NFAT5: variants seen among roughly 807,000 people sequenced by gnomAD.
NFAT5 encodes nuclear factor of activated T-cells 5.
Under a neutral mutation model 166.5 loss-of-function variants are expected in NFAT5, and 31 were observed. The ratio of observed to expected loss-of-function variants is 0.19; its 90% CI spans 0.14 to 0.25. NFAT5 has a LOEUF of 0.25. Ranked by LOEUF, NFAT5 falls within the 10% of genes least tolerant of loss-of-function variation. NFAT5 has a pLI of 1.00. For missense variants in NFAT5, 1,449 were observed against 1,821.8 expected (o/e 0.80, Z 3.72); for synonymous variants, 612 against 639.7 (o/e 0.96, Z 0.65).
intron 10 of NFAT5, among the ~76,000 whole-genome samples, chr16:69,679,493 T>A (rs2036967444): frequency 6.6e-6 from 1 of 151,822 alleles, no homozygotes. Context: ...TGGGCACCTG[T>A]TTACCCAGCT....
chr16:69,648,327 T>G (rs1246697723), intron 4 of NFAT5: 9 of 984,032 alleles, frequency 9.1e-6, no homozygotes, highest in Non-Finnish European at 1.1e-5. Context: ...AGACTTAATT[T>G]TTTTCTCTTT....
chr16:69,648,407 C>A, intron 4 of NFAT5: 1 of 981,564 alleles, frequency 1.0e-6, no homozygotes, highest in Non-Finnish European at 1.2e-6. Flanking sequence ...GTATCATAAG[C>A]TTTTTTCCTT....
chr16:69,699,026 A>C lies in NFAT5; in HGVS notation c.*2675A>C, dbSNP rs2151731755. On this transcript the variant is annotated 3_prime_UTR_variant, in exon 15 of 15. Coordinates refer to ENST00000349945, the MANE Select transcript of NFAT5 (RefSeq NM_138713.4). ...TTCAGTTTGAAAATGTAAAATTCTA[A>C]CCCTAAAGTAGGGTTGGTTGAAATT... 1 of 152,674 alleles carries C rather than the reference A, an allele frequency of 6.5e-6. No individual in the cohort carries two copies. The highest frequency in any genetic ancestry group is 2.4e-5 in the African/African-American group (1 of 41,540). 9.5% of individuals were successfully genotyped at this position (152,674 alleles called of 1,614,324 possible). A position where few individuals can be genotyped will look rare whatever the true frequency, so the allele number is the denominator to read the frequency against.
At chr16:69,592,080 CT>C (rs3037496) in intron 2 of NFAT5, among the ~76,000 whole-genome samples, 51,196 of 117,332 alleles carry the variant, frequency 0.44, 8,489 homozygotes, top group East Asian at 0.67. Flanking sequence ...ATTACTTTTT[CT>C]TTTTTTTTTT....
chr16:69,643,808 G>C (rs556987553), intron 3 of NFAT5, among the ~76,000 whole-genome samples: 1 of 152,050 alleles, frequency 6.6e-6, no homozygotes, highest in Non-Finnish European at 1.5e-5. Context: ...GTGTTGGGAG[G>C]ATCTAAGATG....
Position 69,691,949 on chromosome 16 carries a change from A to G in NFAT5, c.2124A>G (p.Pro708=). The G allele has an allele frequency of 1.2e-6, 2 of 1,614,182 alleles. No homozygotes were observed. Among genetic ancestry groups the G allele is most frequent in the Non-Finnish European group, 1.7e-6 (2 of 1,180,028 alleles). Reference sequence around the variant, plus strand: ...ACATCTCACAGCCTGGTACTTTTCCAGCAGTTTCTGCTTCTAGTCAGCTGC... The same window carrying G: ...ACATCTCACAGCCTGGTACTTTTCCGGCAGTTTCTGCTTCTAGTCAGCTGC... ...TQDISQPGTF[P]AVSASSQLPN... Residue 708 remains proline (P), a synonymous_variant, in exon 13 of 15, where the codon CCA becomes CCG. Coordinates refer to ENST00000349945, the MANE Select transcript of NFAT5 (RefSeq NM_138713.4).
chr16:69,574,041 C>T (rs1206113967), intron 2 of NFAT5, among the ~76,000 whole-genome samples: 3 of 151,874 alleles, frequency 2.0e-5, no homozygotes, highest in African/African-American at 4.8e-5. Context: ...CTGGCTAATA[C>T]TGTATTTTTA....
At chr16:69,683,045 C>T (rs1231677106) in intron 10 of NFAT5, among the ~76,000 whole-genome samples, 1 of 152,008 alleles carries the variant, frequency 6.6e-6, no homozygotes, top group Admixed American at 6.6e-5. Flanking sequence ...AACCCCATCT[C>T]TACTAAAAAT....
rs2037827213 is a variant in NFAT5, at chr16:69,698,300, T to G, written c.*1949T>G. ...TTTATATCTAATGTGTGTTTCATTT[T>G]TTTGGAAAGCTATATTTTGTATTTA... On this transcript the variant is annotated 3_prime_UTR_variant, in exon 15 of 15. Transcript: ENST00000349945. The G allele has an allele frequency of 6.6e-6, 1 of 152,522 alleles. No homozygotes were observed. Among genetic ancestry groups the G allele is most frequent in the Non-Finnish European group, 1.5e-5 (1 of 68,028 alleles). The allele number at this position is 152,522 out of a possible 1,614,324, so 9.4% of individuals were successfully genotyped here.
Position 69,684,887 on chromosome 16 carries a change from C to A in NFAT5, c.1691C>A (p.Ala564Glu). The A allele has an allele frequency of 6.3e-7, 1 of 1,593,396 alleles. No homozygotes were observed. The highest frequency in any genetic ancestry group is 2.3e-5 in the East Asian group (1 of 44,210). The change falls in exon 11 of 15, where the codon GCA becomes GAA. Residue 564 changes from alanine (A) to glutamate (E), a missense_variant and splice_region_variant. Around this residue, in one of 7 missense-constraint regions of NFAT5, gnomAD observed 245 missense variants for 366.6 expected, o/e 0.67. Transcript: ENST00000349945. ...AATACATTAATCTTTTTTTTAATAGCAGCAGCTGGTGCTTTGAATGTAAAT... is the reference window on the plus strand; with the variant it reads ...AATACATTAATCTTTTTTTTAATAGAAGCAGCTGGTGCTTTGAATGTAAAT... Reference protein sequence around the residue: ...VQPFTYTPDPAAAGALNVNVK... With the variant: ...VQPFTYTPDPEAAGALNVNVK...
chr16:69,646,543 T>G, intron 3 of NFAT5: 2 of 1,267,076 alleles, frequency 1.6e-6, no homozygotes. Context: ...AGGGAGTGTC[T>G]GCATTAAAAA....
At chr16:69,644,626 G>A (rs2035357252) in intron 3 of NFAT5, among the ~76,000 whole-genome samples, 1 of 152,126 alleles carries the variant, frequency 6.6e-6, no homozygotes. Context: ...TAAATCAGTT[G>A]GGTTTTATAA....
At chr16:69,663,550 C>T (rs1233173221) in intron 7 of NFAT5, among the ~76,000 whole-genome samples, 1 of 119,910 alleles carries the variant, frequency 8.3e-6, no homozygotes, top group East Asian at 2.9e-4. Flanking sequence ...GCCTGGGATT[C>T]AAACCCATCT....
At chr16:69,589,162 T>G (rs1327864545) in intron 2 of NFAT5, among the ~76,000 whole-genome samples, 1 of 151,404 alleles carries the variant, frequency 6.6e-6, no homozygotes, top group African/African-American at 2.4e-5. Flanking sequence ...GCCCGGCTAA[T>G]TTTGTATTTT....
At chr16:69,654,046 A>G (rs985222201) in intron 5 of NFAT5, among the ~76,000 whole-genome samples, 23 of 152,298 alleles carry the variant, frequency 1.5e-4, no homozygotes, top group Admixed American at 1.4e-3. Context: ...TGAGGTATCA[A>G]TTGAGTCTTA....
At chr16:69,574,802 G>A (rs1313171795) in intron 2 of NFAT5, among the ~76,000 whole-genome samples, 1 of 151,834 alleles carries the variant, frequency 6.6e-6, no homozygotes, top group Admixed American at 6.6e-5. Flanking sequence ...CCAAGTAGCT[G>A]GGATTACAGG....
intron 3 of NFAT5, among the ~76,000 whole-genome samples, chr16:69,634,378 A>G (rs2034861190): frequency 6.6e-6 from 1 of 152,190 alleles, no homozygotes; most frequent in Non-Finnish European, 1.5e-5. Flanking sequence ...ATAATTTTAA[A>G]ATCACTGGGT....
At chr16:69,586,584 G>A (rs933703336) in intron 2 of NFAT5, among the ~76,000 whole-genome samples, 7 of 151,942 alleles carry the variant, frequency 4.6e-5, no homozygotes, top group African/African-American at 1.7e-4. Flanking sequence ...TGTAGTTTTA[G>A]TAGAGACGAG....
intron 7 of NFAT5, among the ~76,000 whole-genome samples, chr16:69,660,489 C>T (rs1378349810): frequency 6.6e-6 from 1 of 152,204 alleles, no homozygotes; most frequent in Non-Finnish European, 1.5e-5. Context: ...AAAGCATTTT[C>T]TAAGCATCTT....
Sources: gnomAD v4.1 joint callset for allele counts (sites outside exome capture counted in the v4.1 genomes callset) on GRCh38, gnomAD v4.1.1 for gene constraint, gnomAD v4.1.1 regional missense constraint, MANE v1.5 for transcripts, NCBI Gene and HGNC (gene_info 2026-07-23, HGNC 2026-07-21) for gene names.